PTK2B: variants seen among roughly 807,000 people sequenced by gnomAD.
The protein encoded by PTK2B is protein tyrosine kinase 2 beta, also known as protein-tyrosine kinase 2-beta.
Under a neutral mutation model 142.9 loss-of-function variants are expected in PTK2B, and 71 were observed. The observed-to-expected ratio is 0.50, with a 90% CI of 0.41 to 0.61. PTK2B has a LOEUF of 0.61. Among genes scored for constraint, PTK2B ranks in the 20% least tolerant of loss-of-function variants. The pLI, the probability that PTK2B is intolerant of heterozygous loss-of-function variation, is 0.00. For missense variants in PTK2B, 1,105 were observed against 1,320.4 expected (o/e 0.84, Z 2.53); for synonymous variants, 519 against 503.4 (o/e 1.03, Z -0.42).
At chr8:27,399,085 G>A (rs1368777127) in intron 2 of PTK2B, among the ~76,000 whole-genome samples, 1 of 152,208 alleles carries the variant, frequency 6.6e-6, no homozygotes, top group African/African-American at 2.4e-5. Flanking sequence ...CACTTCATGA[G>A]TCTTCCTTTG....
intron 2 of PTK2B, among the ~76,000 whole-genome samples, chr8:27,404,348 G>T (rs1808574499): frequency 6.6e-6 from 1 of 152,178 alleles, no homozygotes; most frequent in Non-Finnish European, 1.5e-5. Context: ...TTGTTCAGAG[G>T]TGCCGATGGA....
intron 10 of PTK2B, among the ~76,000 whole-genome samples, chr8:27,433,011 G>A (rs34900744): frequency 0.45 from 67,727 of 151,884 alleles, 15,350 homozygotes; most frequent in South Asian, 0.54. Context: ...ACTTTTAGTA[G>A]ACACAGGGTT....
At chr8:27,385,892 C>CA (rs71553856) in intron 1 of PTK2B, among the ~76,000 whole-genome samples, 89,409 of 109,980 alleles carry the variant, frequency 0.81, 36,157 homozygotes, top group Middle Eastern at 0.91. Flanking sequence ...GATTCCGTCT[C>CA]AAAAAAAAAA....
chr8:27,345,289 C>A (rs76405306), intron 1 of PTK2B, among the ~76,000 whole-genome samples: 1 of 152,250 alleles, frequency 6.6e-6, no homozygotes, highest in South Asian at 2.1e-4. Flanking sequence ...CCAGCTTCCT[C>A]GGGCCTCATC....
intron 10 of PTK2B, among the ~76,000 whole-genome samples, chr8:27,433,008 G>C (rs1810535839): frequency 6.6e-6 from 1 of 152,082 alleles, no homozygotes; most frequent in South Asian, 2.1e-4. Flanking sequence ...TGTACTTTTA[G>C]TAGACACAGG....
chr8:27,445,981 C>T (rs546260160), intron 24 of PTK2B, 62 bp downstream of exon 24: 58 of 1,602,198 alleles, frequency 3.6e-5, no homozygotes, highest in Admixed American at 3.4e-4. Flanking sequence ...GGGAGGTGGC[C>T]GGGGACACTG....
intron 1 of PTK2B, among the ~76,000 whole-genome samples, chr8:27,367,371 T>A (rs1358408590): frequency 2.0e-5 from 3 of 152,182 alleles, no homozygotes; most frequent in African/African-American, 4.8e-5. Flanking sequence ...TCTGGACTGG[T>A]CCTGCTGGGG....
intron 1 of PTK2B, among the ~76,000 whole-genome samples, chr8:27,368,208 G>T (rs190234189): frequency 4.6e-5 from 7 of 152,334 alleles, no homozygotes; most frequent in African/African-American, 1.4e-4. Flanking sequence ...TGAGGGAGGG[G>T]AACGGCTATG....
intron 1 of PTK2B, among the ~76,000 whole-genome samples, chr8:27,376,738 T>A (rs1209602561): frequency 6.6e-6 from 1 of 152,200 alleles, no homozygotes; most frequent in Non-Finnish European, 1.5e-5. Flanking sequence ...CATAGAAATG[T>A]CAGGAAATTA....
chr8:27,410,038 C>T (rs902653433), intron 2 of PTK2B, among the ~76,000 whole-genome samples: 1 of 152,100 alleles, frequency 6.6e-6, no homozygotes, highest in Non-Finnish European at 1.5e-5. Flanking sequence ...TTTTTTTCAA[C>T]AAAAGCTTAA....
intron 30 of PTK2B, 37 bp downstream of exon 30, chr8:27,454,648 G>C (rs1812038294): frequency 6.3e-7 from 1 of 1,597,542 alleles, no homozygotes; most frequent in Non-Finnish European, 8.6e-7. Context: ...ATAGGCTGTT[G>C]CTTTGCTCCT....
intron 1 of PTK2B, among the ~76,000 whole-genome samples, chr8:27,355,400 C>T (rs963493216): frequency 3.3e-5 from 5 of 152,020 alleles, no homozygotes; most frequent in Admixed American, 2.0e-4. Context: ...AGGAAGGAAC[C>T]GCGAGCCAAA....
chr8:27,425,992 A>G (rs965439921), intron 5 of PTK2B, among the ~76,000 whole-genome samples: 2 of 152,180 alleles, frequency 1.3e-5, no homozygotes, highest in African/African-American at 4.8e-5. Flanking sequence ...GTACCTGCCC[A>G]GTTTGAGGAA....
At chr8:27,399,310 A>G (rs1446521638) in intron 2 of PTK2B, among the ~76,000 whole-genome samples, 3 of 152,246 alleles carry the variant, frequency 2.0e-5, no homozygotes, top group African/African-American at 7.2e-5. Flanking sequence ...TAAAGCAGTG[A>G]CACTGGGGAC....
chr8:27,453,301 G>T, intron 28 of PTK2B, 141 bp downstream of exon 28: 1 of 1,172,434 alleles, frequency 8.5e-7, no homozygotes, highest in Non-Finnish European at 1.2e-6. Flanking sequence ...CGGGGTTAGG[G>T]GGCGGGTGGC....
intron 1 of PTK2B, among the ~76,000 whole-genome samples, chr8:27,392,883 T>C (rs1807812081): frequency 6.6e-6 from 1 of 152,220 alleles, no homozygotes; most frequent in Non-Finnish European, 1.5e-5. Flanking sequence ...ATTCTAGTGT[T>C]GAGTCCGTCT....
At chr8:27,323,786 T>G, upstream of PTK2B, among the ~76,000 whole-genome samples, 1 of 152,192 alleles carries the variant, frequency 6.6e-6, no homozygotes, top group Admixed American at 6.5e-5. Flanking sequence ...AGCTATGGGT[T>G]TATGATTCTG....
intron 2 of PTK2B, among the ~76,000 whole-genome samples, chr8:27,411,614 A>G (rs2067993149): frequency 1.3e-5 from 2 of 152,180 alleles, no homozygotes; most frequent in Non-Finnish European, 2.9e-5. Context: ...TTGGAAGTAC[A>G]TGTCAAAATT....
chr8:27,383,481 G>C (rs1047407047), intron 1 of PTK2B, among the ~76,000 whole-genome samples: 2 of 151,980 alleles, frequency 1.3e-5, no homozygotes, highest in Admixed American at 1.3e-4. Context: ...GGCTGGTCTC[G>C]AGCTCCTGAC....
Sources: gnomAD v4.1 joint callset for allele counts (sites outside exome capture counted in the v4.1 genomes callset) on GRCh38, gnomAD v4.1.1 for gene constraint, MANE v1.5 for transcripts, NCBI Gene and HGNC (gene_info 2026-07-23, HGNC 2026-07-21) for gene names.